MRTFB: variants seen among roughly 807,000 people sequenced by gnomAD.
The protein encoded by MRTFB is myocardin-related transcription factor B.
MRTFB carries 29 observed loss-of-function variants against 104.2 expected under a neutral mutation model. That is an observed-to-expected ratio of 0.28 (90% CI 0.21 to 0.38). The LOEUF is 0.38. Among genes scored for constraint, MRTFB ranks in the 10% least tolerant of loss-of-function variants. MRTFB has a pLI of 1.00. For missense variants in MRTFB, 1,270 were observed against 1,341.6 expected, an observed-to-expected ratio of 0.95 and a Z score of 0.83; for synonymous variants, 535 against 519.5, an observed-to-expected ratio of 1.03 and a Z score of -0.41.
intron 13 of MRTFB, 65 bp downstream of exon 13, chr16:14,249,146 A>T (rs2043148269): frequency 6.4e-7 from 1 of 1,559,522 alleles, no homozygotes; most frequent in African/African-American, 1.4e-5. Context: ...CATCCATTCA[A>T]CAAGCATCTT....
chr16:14,099,476 AGTG>A (rs2035577821), intron 2 of MRTFB, among the ~76,000 whole-genome samples: 1 of 150,672 alleles, frequency 6.6e-6, no homozygotes, highest in South Asian at 2.1e-4. Flanking sequence ...CCTTGGCTCA[AGTG>A]GTCCTCCTAA....
At chr16:14,047,061 G>C in the MRTFB span, among the ~76,000 whole-genome samples, 2 of 152,168 alleles carry the variant, frequency 1.3e-5, no homozygotes, top group Non-Finnish European at 2.9e-5. Flanking sequence ...TAAGACAGAC[G>C]TGAATTCCTG....
chr16:14,114,835 T>C (rs1742323734), intron 2 of MRTFB, among the ~76,000 whole-genome samples: 2 of 152,220 alleles, frequency 1.3e-5, no homozygotes. Flanking sequence ...AATTATATGC[T>C]TCCTGTCCAA....
chr16:14,064,088 C>T, the MRTFB span, among the ~76,000 whole-genome samples: 1 of 152,198 alleles, frequency 6.6e-6, no homozygotes, highest in Non-Finnish European at 1.5e-5. Context: ...CTTATATTAT[C>T]ACCAGCAGTG....
intron 3 of MRTFB, chr16:14,200,958 T>C (rs2040674951): frequency 7.0e-7 from 1 of 1,432,050 alleles, no homozygotes; most frequent in Admixed American, 1.7e-5. Flanking sequence ...ACACTGGAGA[T>C]GATCAGACTT....
intron 2 of MRTFB, among the ~76,000 whole-genome samples, chr16:14,127,371 T>G (rs138632275): frequency 1.3e-5 from 2 of 152,144 alleles, no homozygotes; most frequent in Non-Finnish European, 2.9e-5. Context: ...ATAACAAGAC[T>G]AAGGGCCGGG....
At chr16:14,033,268 G>C in the MRTFB span, among the ~76,000 whole-genome samples, 1 of 151,952 alleles carries the variant, frequency 6.6e-6, no homozygotes, top group Non-Finnish European at 1.5e-5. Flanking sequence ...AACATAGGTC[G>C]GGTGCAGAGG....
intron 3 of MRTFB, chr16:14,199,987 T>A: frequency 3.5e-6 from 1 of 283,356 alleles, no homozygotes; most frequent in Non-Finnish European, 6.6e-6. Context: ...TAAATTTACC[T>A]TAAAACTTAA....
chr16:14,223,974 T>C (rs2041875692), intron 8 of MRTFB, among the ~76,000 whole-genome samples: 1 of 152,206 alleles, frequency 6.6e-6, no homozygotes. Context: ...AGAGGTTTAA[T>C]TGACTAACAG....
chr16:14,251,731 A>G (rs1597380739), intron 13 of MRTFB, 131 bp from the exon 14 acceptor site: 1 of 932,254 alleles, frequency 1.1e-6, no homozygotes, highest in East Asian at 2.5e-5. Flanking sequence ...GTGACCCACA[A>G]ATCATAAGCT....
intron 2 of MRTFB, among the ~76,000 whole-genome samples, chr16:14,094,868 A>T (rs975594220): frequency 5.9e-5 from 9 of 152,196 alleles, no homozygotes; most frequent in African/African-American, 2.2e-4. Flanking sequence ...TTTTTTGGAG[A>T]AACAAAGGAT....
At chr16:14,165,999 A>G (rs747411187) in intron 3 of MRTFB, among the ~76,000 whole-genome samples, 2 of 152,224 alleles carry the variant, frequency 1.3e-5, no homozygotes, top group Non-Finnish European at 2.9e-5. Flanking sequence ...CCTTCCCCAT[A>G]GTTGAAAGTA....
chr16:14,164,987 A>G (rs775917587), intron 3 of MRTFB, among the ~76,000 whole-genome samples: 30 of 151,808 alleles, frequency 2.0e-4, no homozygotes, highest in Non-Finnish European at 3.7e-4. Flanking sequence ...TTCTAATCGC[A>G]TCTTCCTTTC....
intron 8 of MRTFB, among the ~76,000 whole-genome samples, 188 bp from the exon 9 acceptor site, chr16:14,233,958 T>TA (rs1251637594): frequency 1.3e-5 from 2 of 152,216 alleles, no homozygotes; most frequent in African/African-American, 4.8e-5. Context: ...TCTTAAAGAC[T>TA]AAATGATTGG....
At chr16:14,081,833 G>A (rs971573446) in intron 2 of MRTFB, among the ~76,000 whole-genome samples, 8 of 152,130 alleles carry the variant, frequency 5.3e-5, no homozygotes, top group African/African-American at 1.4e-4. Flanking sequence ...CACCCGCCTC[G>A]GCTTCCCAAA....
intron 11 of MRTFB, among the ~76,000 whole-genome samples, chr16:14,246,190 A>T (rs954733598): frequency 6.6e-6 from 1 of 152,154 alleles, no homozygotes; most frequent in African/African-American, 2.4e-5. Context: ...CTACTCAATA[A>T]ATGCAGCTGT....
the MRTFB span, among the ~76,000 whole-genome samples, chr16:14,032,514 T>G: frequency 6.6e-6 from 1 of 152,170 alleles, no homozygotes; most frequent in Non-Finnish European, 1.5e-5. Flanking sequence ...TTTCTCTGCT[T>G]TTTTTTCTTT....
chr16:14,110,861 C>T (rs553063456), intron 2 of MRTFB, among the ~76,000 whole-genome samples: 9 of 152,292 alleles, frequency 5.9e-5, no homozygotes, highest in African/African-American at 2.2e-4. Context: ...CCCTCCTTTC[C>T]CATCCTGTCC....
At chr16:14,172,514 G>C (rs996379213) in intron 3 of MRTFB, among the ~76,000 whole-genome samples, 1 of 152,056 alleles carries the variant, frequency 6.6e-6, no homozygotes. Context: ...TTTTTTTAAT[G>C]ATGTCAGAGA....
Sources: gnomAD v4.1 joint callset for allele counts (sites outside exome capture counted in the v4.1 genomes callset) on GRCh38, gnomAD v4.1.1 for gene constraint, MANE v1.5 for transcripts, NCBI Gene and HGNC (gene_info 2026-07-23, HGNC 2026-07-21) for gene names.